The following RAB20 variants were observed in gnomAD, a reference collection of about 807,000 sequenced individuals.
The protein encoded by RAB20 is ras-related protein Rab-20.
RAB20 carries 2 observed loss-of-function variants against 3.7 expected under a neutral mutation model. The ratio of observed to expected loss-of-function variants is 0.54; its 90% CI spans 0.22 to 1.69. The LOEUF (loss-of-function observed/expected upper bound fraction) is 1.69, where lower values mean the gene tolerates loss of function less well. Ranked by LOEUF, RAB20 falls within the 40% of genes most tolerant of loss-of-function variation. The pLI is 0.19. For synonymous variants in RAB20, 126 were observed against 130.8 expected (o/e 0.96, Z 0.25); for missense variants, 276 against 311.9 (o/e 0.88, Z 0.87).
At chr13:110,547,862 C>T (rs542128480) in intron 1 of RAB20, among the ~76,000 whole-genome samples, 2 of 152,192 alleles carry the variant, frequency 1.3e-5, no homozygotes, top group African/African-American at 4.8e-5. Context: ...CAAGCTAATG[C>T]TAATCAGCCT....
At position 110,523,710 on chromosome 13, in the gene RAB20, G is replaced by C; in HGVS notation, c.660C>G (p.Ser220=). The change falls in exon 2 of 2, where the codon TCC becomes TCG. Residue 220 remains serine, a synonymous_variant. Coordinates refer to ENST00000267328, the MANE Select transcript of RAB20 (RefSeq NM_017817.3). The part of the protein sequence containing the change: ...AERPSHTVDI[S]SHKPPKRTRS... ...TGGTCCTCTTGGGTGGCTTATGACTGGATATATCCACTGTGTGTGACGGCC... is the reference window on the plus strand; with the variant it reads ...TGGTCCTCTTGGGTGGCTTATGACTCGATATATCCACTGTGTGTGACGGCC... 1 of 1,614,210 alleles carries C rather than the reference G, an allele frequency of 6.2e-7. No homozygotes were observed. Among genetic ancestry groups the C allele is most frequent in the Non-Finnish European group, 8.5e-7 (1 of 1,180,046 alleles).
chr13:110,536,186 C>T (rs1884635987), intron 1 of RAB20, among the ~76,000 whole-genome samples: 1 of 152,202 alleles, frequency 6.6e-6, no homozygotes, highest in Non-Finnish European at 1.5e-5. Flanking sequence ...CAGCACCAGT[C>T]AGGAGCTGGA....
rs1026485946 is a variant in RAB20, at chr13:110,561,669, G to A, written c.-150C>T. On this transcript the variant is annotated 5_prime_UTR_variant, in exon 1 of 2. Coordinates refer to ENST00000267328, the MANE Select transcript of RAB20 (RefSeq NM_017817.3). Reference sequence around the variant, plus strand: ...GGGACCTTCGCCTCCGGACGCCCGGGAGCTCAAGAGAGGAAGCGCGTGTGC... The same window carrying A: ...GGGACCTTCGCCTCCGGACGCCCGGAAGCTCAAGAGAGGAAGCGCGTGTGC... 1.5e-6 allele frequency: 2 copies of A among 1,317,252 alleles called. No individual in the cohort carries two copies. Among genetic ancestry groups the A allele is most frequent in the Non-Finnish European group, 2.0e-6 (2 of 1,014,414 alleles). The allele number at this position is 1,317,252 out of a possible 1,614,324, so 81.6% of individuals were successfully genotyped here.
At chr13:110,543,799 G>C (rs1054960885) in intron 1 of RAB20, among the ~76,000 whole-genome samples, 2 of 137,432 alleles carry the variant, frequency 1.5e-5, no homozygotes, top group Admixed American at 1.4e-4. Context: ...TTTTTGAGAC[G>C]GAGTCTCACT....
intron 1 of RAB20, among the ~76,000 whole-genome samples, chr13:110,559,658 T>C (rs1181401905): frequency 6.6e-6 from 1 of 152,182 alleles, no homozygotes; most frequent in African/African-American, 2.4e-5. Context: ...AGCAGCAGCC[T>C]CGGATGCCAG....
Position 110,561,528 on chromosome 13 carries a change from A to G in RAB20, c.-9T>C. ...CTGTCGGGCTTCCTCATCTTCCCGT[A>G]AGAACCCCCAGCGCCCCCGCGCCCT... On this transcript the variant is annotated 5_prime_UTR_variant, in exon 1 of 2. Transcript: ENST00000267328. The G allele has an allele frequency of 6.4e-7, 1 of 1,555,254 alleles. No individual in the cohort carries two copies. The highest frequency in any genetic ancestry group is 8.7e-7 in the Non-Finnish European group (1 of 1,151,456).
rs181474293 is a variant in RAB20, at chr13:110,527,870, G to A, written c.173-3673C>T. Among the ~76,000 whole-genome samples, 18 of 151,132 alleles carry A rather than the reference G, an allele frequency of 1.2e-4. No individual in the cohort carries two copies. The East Asian group carries it at 1.6e-3, about 13-fold the overall frequency. Reference sequence around the variant, plus strand: ...GGCCAGGAGTTGGAGCCCAGCTTGGGCAGCATAGCAAGGCTCCTATCTCTA... The same window carrying A: ...GGCCAGGAGTTGGAGCCCAGCTTGGACAGCATAGCAAGGCTCCTATCTCTA... On this transcript the variant is annotated intron_variant, in intron 1 of 1. Coordinates refer to ENST00000267328, the MANE Select transcript of RAB20 (RefSeq NM_017817.3).
chr13:110,552,207 T>A (rs1884964604), intron 1 of RAB20, among the ~76,000 whole-genome samples: 4 of 151,646 alleles, frequency 2.6e-5, no homozygotes, highest in African/African-American at 9.7e-5. Flanking sequence ...GGTGAAACCC[T>A]GTCTCTACTA....
chr13:110,539,914 G>C (rs2139581677), intron 1 of RAB20, among the ~76,000 whole-genome samples: 1 of 152,278 alleles, frequency 6.6e-6, no homozygotes, highest in African/African-American at 2.4e-5. Context: ...GTTTCTTCTT[G>C]ATGATCTGAA....
At chr13:110,524,474 C>T (rs2139571945) in intron 1 of RAB20, among the ~76,000 whole-genome samples, 1 of 152,260 alleles carries the variant, frequency 6.6e-6, no homozygotes, top group East Asian at 1.9e-4. Flanking sequence ...ATTCACACAG[C>T]CCTCCCTGCC....
chr13:110,541,122 C>G (rs866655565), intron 1 of RAB20, among the ~76,000 whole-genome samples: 1 of 152,174 alleles, frequency 6.6e-6, no homozygotes, highest in African/African-American at 2.4e-5. Context: ...GACCACCCCT[C>G]ACTCTAAGTA....
chr13:110,546,722 T>G (rs568816405), intron 1 of RAB20, among the ~76,000 whole-genome samples: 2 of 142,772 alleles, frequency 1.4e-5, no homozygotes, highest in African/African-American at 5.1e-5. Flanking sequence ...TTTTTGGGTT[T>G]TTTGTTTGTT....
In RAB20 at chr13:110,523,812, G is replaced by A. The variant is rs199573027; in HGVS notation, c.558C>T (p.Thr186=). The A allele has an allele frequency of 2.6e-5, 42 of 1,614,192 alleles. No homozygotes were observed. Among genetic ancestry groups the A allele is most frequent in the Middle Eastern group, 3.3e-4 (2 of 6,062 alleles). The change falls in exon 2 of 2, where the codon ACC becomes ACT. Residue 186 remains threonine, a synonymous_variant. Transcript: ENST00000267328. ...CAAACAGGAGGTCCACATTGTAGCCGGTCTTGGCGCTGGTCTCAAAGCACA... is the reference window on the plus strand; with the variant it reads ...CAAACAGGAGGTCCACATTGTAGCCAGTCTTGGCGCTGGTCTCAAAGCACA... ...EQMCFETSAK[T]GYNVDLLFET... is the part of the protein sequence containing the mutation.
At chr13:110,535,647 C>A (rs1884626158) in intron 1 of RAB20, among the ~76,000 whole-genome samples, 1 of 152,246 alleles carries the variant, frequency 6.6e-6, no homozygotes, top group Admixed American at 6.5e-5. Flanking sequence ...AATGCCTGTG[C>A]AGTGACTAAC....
intron 1 of RAB20, among the ~76,000 whole-genome samples, chr13:110,535,538 C>T (rs1884624681): frequency 2.0e-5 from 3 of 152,276 alleles, no homozygotes; most frequent in Non-Finnish European, 2.9e-5. Context: ...CAAGTCAAGG[C>T]TCAGAGACTC....
chr13:110,550,220 C>T (rs377489536), intron 1 of RAB20, among the ~76,000 whole-genome samples: 20 of 152,278 alleles, frequency 1.3e-4, no homozygotes, highest in African/African-American at 4.8e-4. Flanking sequence ...TCCATGGACC[C>T]CAACTCTGTG....
In RAB20 at chr13:110,561,343, C is replaced by T; in HGVS notation, c.172+5G>A. 1 of 1,594,856 alleles carries T rather than the reference C, an allele frequency of 6.3e-7. No homozygotes were observed. ...GCGGTGTGGCTCATGCGGCGCCGGC[C>T]TCACCTGCGGTGTCCCAGATGGAGA... On this transcript the variant is annotated splice_donor_5th_base_variant and intron_variant, in intron 1 of 1. Coordinates refer to ENST00000267328, the MANE Select transcript of RAB20 (RefSeq NM_017817.3).
intron 1 of RAB20, among the ~76,000 whole-genome samples, chr13:110,534,694 G>T (rs1186402664): frequency 6.6e-6 from 1 of 152,170 alleles, no homozygotes; most frequent in African/African-American, 2.4e-5. Context: ...TTCCTAGCAG[G>T]CTTCAAAAGA....
intron 1 of RAB20, among the ~76,000 whole-genome samples, chr13:110,532,875 C>G (rs1357409340): frequency 6.6e-6 from 1 of 152,010 alleles, no homozygotes; most frequent in East Asian, 1.9e-4. Flanking sequence ...GAGATGGGGA[C>G]TTACTATGCT....
Sources: gnomAD v4.1 joint callset for allele counts (sites outside exome capture counted in the v4.1 genomes callset) on GRCh38, gnomAD v4.1.1 for gene constraint, MANE v1.5 for transcripts, NCBI Gene and HGNC (gene_info 2026-07-23, HGNC 2026-07-21) for gene names.